The following EXOC6B variants were observed in gnomAD, a reference collection of about 807,000 sequenced individuals.
EXOC6B encodes SEC15 homolog B.
In EXOC6B, 54 loss-of-function variants were observed where a neutral mutation model predicts 113.5. That is an observed-to-expected ratio of 0.48 (90% CI 0.38 to 0.60). EXOC6B has a LOEUF of 0.60. Ranked by LOEUF, EXOC6B falls within the 20% of genes least tolerant of loss-of-function variation. The probability of loss-of-function intolerance (pLI) is 0.00; values close to 1 mark genes in which losing one functional copy is unlikely to be tolerated. For missense variants in EXOC6B, 797 were observed against 977.5 expected (o/e 0.82, Z 2.46); for synonymous variants, 357 against 339.0 (o/e 1.05, Z -0.58).
chr2:72,825,785 G>A lies in EXOC6B; in HGVS notation c.113+13C>T, dbSNP rs1481300939. ...CCGTTCCCGCCCCTCTGTGGTCCCG[G>A]CACCCGGGGTACCTGAGCGTGGGCC... On this transcript the variant is annotated intron_variant, in intron 1 of 21. Coordinates refer to ENST00000272427, the MANE Select transcript of EXOC6B (RefSeq NM_015189.3). The surrounding 1 kb of genome is among the most constrained non-coding windows in gnomAD (Gnocchi z 4.4). The A allele has an allele frequency of 1.2e-6, 2 of 1,610,366 alleles. No homozygotes were observed. The highest frequency in any genetic ancestry group is 1.7e-5 in the Admixed American group (1 of 59,964).
chr2:72,368,482 G>C (rs1396886517), intron 19 of EXOC6B, among the ~76,000 whole-genome samples: 1 of 152,098 alleles, frequency 6.6e-6, no homozygotes, highest in Non-Finnish European at 1.5e-5. Context: ...CCAATCAATA[G>C]AAAAAGAGGG....
rs933213044 is a variant in EXOC6B, at chr2:72,179,512, G to A, written c.2310-51C>T. The A allele has an allele frequency of 3.1e-6, 5 of 1,610,044 alleles. No homozygotes were observed. In the African/African-American group the frequency reaches 6.7e-5, roughly 22 times the overall value. On this transcript the variant is annotated intron_variant, in intron 21 of 21. Coordinates refer to ENST00000272427, the MANE Select transcript of EXOC6B (RefSeq NM_015189.3). The stretch of plus-strand genomic sequence containing the variant: ...GCAACATGTTTGAGGAAACAATGGT[G>A]GAAGGAGAACCTGCAGGAAGCAGGA...
chr2:72,681,426 G>A (rs116571770), intron 6 of EXOC6B, among the ~76,000 whole-genome samples: 4 of 152,208 alleles, frequency 2.6e-5, no homozygotes, highest in African/African-American at 9.6e-5. Flanking sequence ...GTCTTAGATG[G>A]CAAGAGTCTT....
chr2:72,727,014 C>G (rs1680340545), intron 5 of EXOC6B, among the ~76,000 whole-genome samples: 1 of 152,228 alleles, frequency 6.6e-6, no homozygotes, highest in East Asian at 1.9e-4. Flanking sequence ...TACGCAAATA[C>G]CATGCCATTT....
chr2:72,580,396 G>T (rs1705149741), intron 6 of EXOC6B, among the ~76,000 whole-genome samples: 1 of 151,878 alleles, frequency 6.6e-6, no homozygotes, highest in Admixed American at 6.6e-5. Flanking sequence ...ACCCAACTCG[G>T]CCTCCCAAAG....
At chr2:72,732,984 G>T in intron 3 of EXOC6B, 87 bp downstream of exon 3, 1 of 914,922 alleles carries the variant, frequency 1.1e-6, no homozygotes, top group Non-Finnish European at 1.8e-6. Context: ...ACTACTTACA[G>T]TCTTAACCAC....
intron 20 of EXOC6B, among the ~76,000 whole-genome samples, chr2:72,288,400 A>T (rs1685572519): frequency 6.6e-6 from 1 of 152,020 alleles, no homozygotes; most frequent in Non-Finnish European, 1.5e-5. Context: ...TTGTAAAAAT[A>T]AAAAAAAGAC....
chr2:72,323,586 A>G (rs1430442013), intron 20 of EXOC6B, among the ~76,000 whole-genome samples: 2 of 152,206 alleles, frequency 1.3e-5, no homozygotes, highest in African/African-American at 4.8e-5. Context: ...GAACCAACTC[A>G]AATGTCCATC....
At chr2:72,662,466 G>T (rs1675094323) in intron 6 of EXOC6B, among the ~76,000 whole-genome samples, 1 of 152,092 alleles carries the variant, frequency 6.6e-6, no homozygotes, top group Non-Finnish European at 1.5e-5. Context: ...TCTAAAGTAA[G>T]AAACAAACAA....
At chr2:72,268,922 C>A (rs1297267049) in intron 20 of EXOC6B, among the ~76,000 whole-genome samples, 1 of 152,154 alleles carries the variant, frequency 6.6e-6, no homozygotes, top group Admixed American at 6.6e-5. Flanking sequence ...ACCAATTAAA[C>A]CTCTTTTCTT....
rs1558775891 is a variant in EXOC6B at position 72,539,761 on chromosome 2, C to CGT, written c.915+19691_915+19692insAC. On this transcript the variant is annotated intron_variant, in intron 8 of 21. Coordinates refer to ENST00000272427, the MANE Select transcript of EXOC6B (RefSeq NM_015189.3). Reference sequence around the variant, plus strand: ...GTGTGTGTGTGTGTGCGCGCGCGCGCGCGTGTGTGTAGTCTGCATATATGA... The same window carrying CGT: ...GTGTGTGTGTGTGTGCGCGCGCGCGCGTGCGTGTGTGTAGTCTGCATATATGA... 4.1e-3 allele frequency among the ~76,000 whole-genome samples: 618 copies of CGT among 149,878 alleles called. 5 individuals carry two copies. Among genetic ancestry groups the CGT allele is most frequent in the African/African-American group, 0.014 (560 of 40,798 alleles).
chr2:72,792,545 G>A (rs527868163), intron 1 of EXOC6B, among the ~76,000 whole-genome samples: 24 of 152,034 alleles, frequency 1.6e-4, no homozygotes, highest in African/African-American at 5.5e-4. Flanking sequence ...CATCTGCTTC[G>A]AGTCATGATG....
intron 20 of EXOC6B, among the ~76,000 whole-genome samples, chr2:72,264,873 T>C (rs1225369158): frequency 6.6e-6 from 1 of 152,124 alleles, no homozygotes; most frequent in Non-Finnish European, 1.5e-5. Flanking sequence ...TCAGCCATGC[T>C]GAACTGTGAG....
intron 19 of EXOC6B, among the ~76,000 whole-genome samples, chr2:72,346,349 A>G (rs1347765818): frequency 1.3e-5 from 2 of 152,180 alleles, no homozygotes; most frequent in Non-Finnish European, 1.5e-5. Flanking sequence ...ATGTGCATTG[A>G]GAAGAAATGA....
chr2:72,567,268 A>C lies in EXOC6B; in HGVS notation c.847-7747T>G, dbSNP rs73943202. Among the ~76,000 whole-genome samples, 683 of 152,218 alleles carry C rather than the reference A, an allele frequency of 4.5e-3. 10 individuals are homozygous for C. Among genetic ancestry groups the C allele is most frequent in the African/African-American group, 0.015 (639 of 41,566 alleles). ...ATAGTACTCTGAACTATACAGATTTAGTGGGATACACTGTAGGATCAAAAG... is the reference window on the plus strand; with the variant it reads ...ATAGTACTCTGAACTATACAGATTTCGTGGGATACACTGTAGGATCAAAAG... On this transcript the variant is annotated intron_variant, in intron 7 of 21. Coordinates refer to ENST00000272427, the MANE Select transcript of EXOC6B (RefSeq NM_015189.3).
intron 3 of EXOC6B, among the ~76,000 whole-genome samples, chr2:72,732,840 T>C (rs1573708376): frequency 6.6e-6 from 1 of 152,196 alleles, no homozygotes; most frequent in Non-Finnish European, 1.5e-5. Flanking sequence ...ATTACTGTAT[T>C]ATGACAAGTC....
intron 1 of EXOC6B, among the ~76,000 whole-genome samples, chr2:72,801,069 G>C (rs913308073): frequency 1.3e-5 from 2 of 152,140 alleles, no homozygotes; most frequent in African/African-American, 4.8e-5. Context: ...ATTTGGGCTT[G>C]GTAGAACTGT....
At chr2:72,708,602 G>A (rs1208762578) in intron 6 of EXOC6B, among the ~76,000 whole-genome samples, 1 of 152,166 alleles carries the variant, frequency 6.6e-6, no homozygotes, top group African/African-American at 2.4e-5. Context: ...ACAAAGAGTA[G>A]TATAAAGGAA....
intron 6 of EXOC6B, among the ~76,000 whole-genome samples, chr2:72,665,038 G>C (rs1675291103): frequency 6.6e-6 from 1 of 152,192 alleles, no homozygotes; most frequent in East Asian, 1.9e-4. Context: ...AAGAGGGGTG[G>C]GATGTGGGTT....
Sources: gnomAD v4.1 joint callset for allele counts (sites outside exome capture counted in the v4.1 genomes callset) on GRCh38, gnomAD v4.1.1 for gene constraint, Gnocchi (gnomAD v3.1) non-coding constraint, MANE v1.5 for transcripts, NCBI Gene and HGNC (gene_info 2026-07-23, HGNC 2026-07-21) for gene names.